GRIK2: variants seen among roughly 807,000 people sequenced by gnomAD.
GRIK2 encodes glutamate receptor ionotropic, kainate 2.
A neutral mutation model predicts 100.3 loss-of-function variants in GRIK2; 32 were observed. The ratio of observed to expected loss-of-function variants is 0.32; its 90% CI spans 0.24 to 0.43. GRIK2 has a LOEUF of 0.43. Among genes scored for constraint, GRIK2 ranks in the 20% least tolerant of loss-of-function variants. The pLI is 1.00. For synonymous variants in GRIK2, 417 were observed against 389.4 expected (o/e 1.07, Z -0.83); for missense variants, 843 against 1,114.9 (o/e 0.76, Z 3.47).
chr6:101,832,385 T>C (rs1484636365), intron 10 of GRIK2, among the ~76,000 whole-genome samples: 1 of 152,178 alleles, frequency 6.6e-6, no homozygotes, highest in East Asian at 1.9e-4. Context: ...TTTTATGAAA[T>C]GTTCTTAAAT....
rs139741508 is a variant in GRIK2 at position 101,669,365 on chromosome 6, CATCAA to C, written c.542-7251_542-7247del. ...CAAAATTAATTTTGCCTTTTTATTT[CATCAA>C]ATCAAAGCGTCCATTGATTTCTTCA... On this transcript the variant is annotated intron_variant, in intron 4 of 16. Coordinates refer to ENST00000369134, the MANE Select transcript of GRIK2 (RefSeq NM_021956.5). Among the ~76,000 whole-genome samples, 1,415 of 152,182 alleles carry C rather than the reference CATCAA, an allele frequency of 9.3e-3. 10 individuals carry two copies. The highest frequency in any genetic ancestry group is 0.023 in the African/African-American group (975 of 41,546).
intron 14 of GRIK2, among the ~76,000 whole-genome samples, chr6:101,933,520 G>A (rs995202961): frequency 6.6e-6 from 1 of 151,854 alleles, no homozygotes; most frequent in Non-Finnish European, 1.5e-5. Context: ...CAACTACAAC[G>A]TGTAATTAAA....
chr6:101,922,818 G>C (rs939452136), intron 12 of GRIK2, among the ~76,000 whole-genome samples: 1 of 152,022 alleles, frequency 6.6e-6, no homozygotes, highest in Admixed American at 6.6e-5. Context: ...AATTTAAAGC[G>C]GTAATATTTT....
chr6:101,785,305 T>C (rs1779352495), intron 7 of GRIK2, among the ~76,000 whole-genome samples: 1 of 152,184 alleles, frequency 6.6e-6, no homozygotes, highest in Non-Finnish European at 1.5e-5. Context: ...AGAATCTTTT[T>C]ATGTCCCATA....
In GRIK2 at chr6:101,687,818, T is replaced by C. The variant is rs2518299; in HGVS notation, c.951+1465T>C. Among the ~76,000 whole-genome samples, 507 of 151,828 alleles carry C rather than the reference T, an allele frequency of 3.3e-3. 4 individuals are homozygous for C. Among genetic ancestry groups the C allele is most frequent in the African/African-American group, 0.011 (476 of 41,544 alleles). On this transcript the variant is annotated intron_variant, in intron 7 of 16. Coordinates refer to ENST00000369134, the MANE Select transcript of GRIK2 (RefSeq NM_021956.5). ...GTTCTAGTAGTTTAGTTTTAACTTA[T>C]GTTTGAGAATTTTTATTGAGAGGAA...
chr6:101,953,426 C>G (rs1189606148), intron 14 of GRIK2, among the ~76,000 whole-genome samples: 2 of 152,128 alleles, frequency 1.3e-5, no homozygotes, highest in Non-Finnish European at 1.5e-5. Context: ...CCAACACTTA[C>G]TATTTTCTGT....
intron 2 of GRIK2, among the ~76,000 whole-genome samples, chr6:101,458,275 AACTG>A (rs1363058463): frequency 6.6e-6 from 1 of 152,186 alleles, no homozygotes; most frequent in African/African-American, 2.4e-5. Flanking sequence ...AATTTTATGC[AACTG>A]ACTTATTTCA....
At position 101,535,591 on chromosome 6, in the gene GRIK2, T is replaced by C. The variant is rs1031686200; in HGVS notation, c.116-86358T>C. On this transcript the variant is annotated intron_variant, in intron 2 of 16. Coordinates refer to ENST00000369134, the MANE Select transcript of GRIK2 (RefSeq NM_021956.5). ...TTATTTCAGTTGTTAATATATCTGC[T>C]CACATCCTCTTTCCCCCCACTGAAT... Among the ~76,000 whole-genome samples the C allele has an allele frequency of 3.3e-5, 5 of 149,648 alleles. No individual in the cohort carries two copies. In the Admixed American group the frequency reaches 3.4e-4, roughly 10 times the overall value.
chr6:102,039,620 C>G (rs1458125203), intron 15 of GRIK2, among the ~76,000 whole-genome samples: 2 of 151,464 alleles, frequency 1.3e-5, no homozygotes, highest in East Asian at 3.9e-4. Flanking sequence ...GCATTTTTGG[C>G]TGCATTGCTT....
At chr6:101,766,198 A>G (rs1333126792) in intron 7 of GRIK2, among the ~76,000 whole-genome samples, 2 of 152,004 alleles carry the variant, frequency 1.3e-5, no homozygotes, top group South Asian at 2.1e-4. Context: ...TATGTTTATA[A>G]TAACTATTCG....
At chr6:101,547,566 G>T (rs963804796) in intron 2 of GRIK2, among the ~76,000 whole-genome samples, 1 of 152,018 alleles carries the variant, frequency 6.6e-6, no homozygotes, top group South Asian at 2.1e-4. Flanking sequence ...GAGAACATGC[G>T]GTGTTTGGAT....
rs73759072 is a variant in GRIK2, at chr6:102,057,755, C to T, written c.2562+2175C>T. Among the ~76,000 whole-genome samples, 466 of 151,946 alleles carry T rather than the reference C, an allele frequency of 3.1e-3. 2 individuals are homozygous for T. The highest frequency in any genetic ancestry group is 0.011 in the African/African-American group (448 of 41,522). ...TTATCTTTTGCTCCTCTCCAATTTG[C>T]ACCTTTACTACAGCCACACTACATT... is the stretch of plus-strand genomic sequence containing the variant. On this transcript the variant is annotated intron_variant, in intron 16 of 16. Transcript: ENST00000369134.
intron 2 of GRIK2, among the ~76,000 whole-genome samples, chr6:101,585,601 G>A (rs1778322701): frequency 6.6e-6 from 1 of 152,062 alleles, no homozygotes. Flanking sequence ...AAGAACACAT[G>A]CAATTGATGT....
intron 14 of GRIK2, among the ~76,000 whole-genome samples, chr6:102,016,633 A>T (rs1055254317): frequency 3.3e-5 from 5 of 152,004 alleles, no homozygotes; most frequent in African/African-American, 1.2e-4. Flanking sequence ...AGATAAGGAG[A>T]CTGAATCTAC....
At chr6:101,793,205 A>G (rs1181201471) in intron 7 of GRIK2, among the ~76,000 whole-genome samples, 4 of 152,144 alleles carry the variant, frequency 2.6e-5, no homozygotes, top group Admixed American at 2.0e-4. Flanking sequence ...TCTTCTCTCA[A>G]CTTGTCAACG....
At chr6:101,894,156 A>G (rs1787285246) in intron 12 of GRIK2, among the ~76,000 whole-genome samples, 2 of 151,646 alleles carry the variant, frequency 1.3e-5, no homozygotes, top group African/African-American at 4.8e-5. Context: ...TTATGTTTTT[A>G]AAATTGGATT....
Position 101,580,063 on chromosome 6 carries a change from C to T in GRIK2, c.116-41886C>T, listed in dbSNP as rs1368937129. 2.6e-5 allele frequency among the ~76,000 whole-genome samples: 4 copies of T among 152,078 alleles called. No individual in the cohort carries two copies. In the East Asian group the frequency reaches 7.7e-4, roughly 29 times the overall value. ...TTGGACTTCTTCACATCTTATTCTA[C>T]AACTTTTTTTCTCAAATGATTGTAT... On this transcript the variant is annotated intron_variant, in intron 2 of 16. Transcript: ENST00000369134.
At chr6:101,713,955 G>C (rs1303521225) in intron 7 of GRIK2, among the ~76,000 whole-genome samples, 3 of 151,758 alleles carry the variant, frequency 2.0e-5, no homozygotes, top group Non-Finnish European at 4.4e-5. Flanking sequence ...TCATATTAGA[G>C]TAAGTTAAAA....
At chr6:101,496,272 T>A (rs976539253) in intron 2 of GRIK2, among the ~76,000 whole-genome samples, 8 of 151,814 alleles carry the variant, frequency 5.3e-5, no homozygotes, top group Non-Finnish European at 1.2e-4. Flanking sequence ...AGAAAAAAAA[T>A]AAAATAACAC....
Sources: allele counts gnomAD v4.1 joint callset (sites outside exome capture counted in the v4.1 genomes callset), GRCh38; gene constraint gnomAD v4.1.1; transcripts MANE v1.5; gene names NCBI Gene and HGNC (gene_info 2026-07-23, HGNC 2026-07-21).